TLE1: variants seen among roughly 807,000 people sequenced by gnomAD.
The protein encoded by TLE1 is transducin-like enhancer protein 1.
A neutral mutation model predicts 89.8 loss-of-function variants in TLE1; 21 were observed. That is an observed-to-expected ratio of 0.23 (90% CI 0.17 to 0.34). The LOEUF is 0.34. Among genes scored for constraint, TLE1 ranks in the 10% least tolerant of loss-of-function variants. TLE1 has a pLI of 1.00. For missense variants in TLE1, 795 were observed against 1,031.2 expected, an observed-to-expected ratio of 0.77 and a Z score of 3.14; for synonymous variants, 447 against 407.6, an observed-to-expected ratio of 1.10 and a Z score of -1.16.
intron 6 of TLE1, among the ~76,000 whole-genome samples, chr9:81,644,705 C>T (rs757611928): frequency 9.9e-5 from 15 of 151,970 alleles, no homozygotes; most frequent in Non-Finnish European, 1.8e-4. Flanking sequence ...TTAAAAAAGA[C>T]GAATTTGGCC....
chr9:81,608,746 G>T (rs1268544740), intron 14 of TLE1, among the ~76,000 whole-genome samples: 7 of 152,170 alleles, frequency 4.6e-5, no homozygotes, highest in African/African-American at 1.7e-4. Flanking sequence ...AAACCAGCCT[G>T]ACCAATATGA....
In TLE1 at chr9:81,590,939, G is replaced by T; in HGVS notation, c.1695C>A (p.Arg565=). ...SIWDLAAPTP[R]IKAELTSSAP... is the part of the protein sequence containing the mutation. ...CCGAGGACGTCAGCTCCGCCTTGAT[G>T]CGCGGGGTTGGAGCCGCCAGGTCCC... is the stretch of plus-strand genomic sequence containing the variant. Residue 565 remains arginine, a synonymous_variant, in exon 16 of 20, where the codon CGC becomes CGA. Transcript: ENST00000376499. The T allele has an allele frequency of 6.2e-7, 1 of 1,614,262 alleles. No homozygotes were observed. Among genetic ancestry groups the T allele is most frequent in the Non-Finnish European group, 8.5e-7 (1 of 1,180,046 alleles).
intron 14 of TLE1, 135 bp from the exon 15 acceptor site, chr9:81,593,409 A>T: frequency 8.0e-7 from 1 of 1,250,918 alleles, no homozygotes; most frequent in Non-Finnish European, 1.1e-6. Context: ...CTTTGAAATC[A>T]ATACAAATTG....
intron 8 of TLE1, among the ~76,000 whole-genome samples, chr9:81,624,640 T>A (rs1825691075): frequency 6.6e-6 from 1 of 152,196 alleles, no homozygotes; most frequent in African/African-American, 2.4e-5. Context: ...AACCCAAAGT[T>A]TTATTTCACC....
At chr9:81,657,165 A>G (rs1481959313) in intron 4 of TLE1, among the ~76,000 whole-genome samples, 1 of 152,212 alleles carries the variant, frequency 6.6e-6, no homozygotes, top group African/African-American at 2.4e-5. Context: ...ATTGTTGCTT[A>G]ATCATTTTTG....
At chr9:81,601,772 C>T (rs1427603831) in intron 14 of TLE1, among the ~76,000 whole-genome samples, 2 of 152,168 alleles carry the variant, frequency 1.3e-5, no homozygotes, top group African/African-American at 4.8e-5. Flanking sequence ...AGGGTTACCT[C>T]TTATAAACCA....
In TLE1 at chr9:81,673,229, C is replaced by G. The variant is rs111556931; in HGVS notation, c.234+12447G>C. ...TGGAGGTTGCAGTGAACCAAGATTG[C>G]GCCATTGCACTCCAGCCTGGGGGAC... On this transcript the variant is annotated intron_variant, in intron 4 of 19. Coordinates refer to ENST00000376499, the MANE Select transcript of TLE1 (RefSeq NM_005077.5). Among the ~76,000 whole-genome samples the G allele has an allele frequency of 2.9e-5, 4 of 139,154 alleles. No individual in the cohort carries two copies. The South Asian group carries it at 9.5e-4, about 33-fold the overall frequency. 91.3% of individuals were successfully genotyped at this position (139,154 alleles called of 152,430 possible).
Position 81,634,099 on chromosome 9 carries a change from C to T in TLE1, c.575G>A (p.Arg192Lys). 1 of 1,607,004 alleles carries T rather than the reference C, an allele frequency of 6.2e-7. No individual in the cohort carries two copies. Among genetic ancestry groups the T allele is most frequent in the Non-Finnish European group, 8.5e-7 (1 of 1,176,232 alleles). The change falls in exon 7 of 20, where the codon AGA becomes AAA. Residue 192 changes from arginine to lysine, a missense_variant and splice_region_variant. By Grantham distance (26) the Arg-to-Lys change is conservative (BLOSUM62 2). Coordinates refer to ENST00000376499, the MANE Select transcript of TLE1 (RefSeq NM_005077.5). ...ATCTGGCTTGCCCGGCCTCTCACCTCTGTGGTGCTCTGCATCGTGGTGCTT... is the reference window on the plus strand; with the variant it reads ...ATCTGGCTTGCCCGGCCTCTCACCTTTGTGGTGCTCTGCATCGTGGTGCTT... ...DKKHHDAEHHRDREPGTSNSL... is the reference protein window; with the variant it reads ...DKKHHDAEHHKDREPGTSNSL...
intron 6 of TLE1, among the ~76,000 whole-genome samples, chr9:81,649,280 T>G (rs1162201049): frequency 6.6e-6 from 1 of 152,160 alleles, no homozygotes; most frequent in Non-Finnish European, 1.5e-5. Flanking sequence ...ATTTCTATGC[T>G]GGTGAGAAAT....
chr9:81,626,035 C>T (rs747077317), intron 8 of TLE1, among the ~76,000 whole-genome samples: 1 of 151,676 alleles, frequency 6.6e-6, no homozygotes, highest in Non-Finnish European at 1.5e-5. Flanking sequence ...CCAACAAGTT[C>T]GAACCCTGAA....
chr9:81,605,978 C>A (rs1831602854), intron 14 of TLE1, among the ~76,000 whole-genome samples: 2 of 152,172 alleles, frequency 1.3e-5, no homozygotes, highest in Non-Finnish European at 2.9e-5. Flanking sequence ...ACAGACACTT[C>A]TCAAAAGAAG....
chr9:81,615,586 G>A (rs1351016492), intron 11 of TLE1, among the ~76,000 whole-genome samples: 59 of 149,118 alleles, frequency 4.0e-4, no homozygotes, highest in East Asian at 8.0e-4. Context: ...GGTCGCGCGC[G>A]CCTGTAATCC....
chr9:81,651,691 C>T (rs1027678433), intron 6 of TLE1, among the ~76,000 whole-genome samples: 2 of 152,144 alleles, frequency 1.3e-5, no homozygotes, highest in Non-Finnish European at 2.9e-5. Flanking sequence ...CCCATTTTGA[C>T]CTCACTGTGA....
At chr9:81,664,927 T>C (rs1831272856) in intron 4 of TLE1, among the ~76,000 whole-genome samples, 2 of 152,210 alleles carry the variant, frequency 1.3e-5, no homozygotes, top group South Asian at 4.1e-4. Flanking sequence ...CTGGGGAACA[T>C]GCTTTGAGAA....
chr9:81,687,218 C>T (rs1031651831), intron 2 of TLE1, 116 bp downstream of exon 2: 8 of 805,978 alleles, frequency 9.9e-6, no homozygotes, highest in Middle Eastern at 3.8e-4. Context: ...TTAACTGAGA[C>T]TCCACACGCC....
Position 81,632,471 on chromosome 9 carries a change from ATCCCTTTTTTTT to A in TLE1, c.594+865_594+876del, listed in dbSNP as rs1465923907. Among the ~76,000 whole-genome samples the A allele has an allele frequency of 5.4e-4, 72 of 133,756 alleles. 2 individuals carry two copies. The South Asian group carries it at 5.4e-3, about 10-fold the overall frequency. 87.7% of individuals were successfully genotyped at this position (133,756 alleles called of 152,430 possible). ...AAGTTATCAGATTTAAATGTTCAGT[ATCCCTTTTTTTT>A]TTTTTTTTTTTTTACCATATTAAAC... On this transcript the variant is annotated intron_variant, in intron 8 of 19. Coordinates refer to ENST00000376499, the MANE Select transcript of TLE1 (RefSeq NM_005077.5).
intron 14 of TLE1, among the ~76,000 whole-genome samples, chr9:81,603,536 G>A (rs1218872435): frequency 2.0e-5 from 3 of 151,950 alleles, no homozygotes; most frequent in African/African-American, 7.3e-5. Flanking sequence ...CCAGAGTCTG[G>A]GAATCAACAC....
intron 8 of TLE1, among the ~76,000 whole-genome samples, chr9:81,623,126 A>T (rs1825485532): frequency 6.6e-6 from 1 of 151,924 alleles, no homozygotes; most frequent in Admixed American, 6.6e-5. Context: ...TGCCTGGGGG[A>T]CCCTTACCTT....
At chr9:81,588,792 G>A (rs1829013954) in intron 16 of TLE1, among the ~76,000 whole-genome samples, 1 of 152,044 alleles carries the variant, frequency 6.6e-6, no homozygotes, top group Admixed American at 6.6e-5. Context: ...AGAAGCAGGC[G>A]GGATCCAGTA....
Sources: gnomAD v4.1 joint callset for allele counts (sites outside exome capture counted in the v4.1 genomes callset) on GRCh38, gnomAD v4.1.1 for gene constraint, MANE v1.5 for transcripts, NCBI Gene and HGNC (gene_info 2026-07-23, HGNC 2026-07-21) for gene names.